The following NBEA variants were observed in gnomAD, a reference collection of about 807,000 sequenced individuals.
NBEA encodes the protein neurobeachin, also known as lysosomal-trafficking regulator 2.
Under a neutral mutation model 343.4 loss-of-function variants are expected in NBEA, and 44 were observed. That is an observed-to-expected ratio of 0.13 (90% CI 0.10 to 0.16). The LOEUF (loss-of-function observed/expected upper bound fraction) is 0.16, where lower values mean the gene tolerates loss of function less well. NBEA is among the 10% of genes least tolerant of loss of function. NBEA has a pLI of 1.00. For missense variants in NBEA, 2,555 were observed against 3,631.3 expected (o/e 0.70, Z 7.62); for synonymous variants, 1,175 against 1,238.7 (o/e 0.95, Z 1.08).
intron 34 of NBEA, among the ~76,000 whole-genome samples, chr13:35,275,807 A>C (rs564627069): frequency 6.6e-6 from 1 of 152,314 alleles, no homozygotes; most frequent in African/African-American, 2.4e-5. Context: ...ACAATGAGAT[A>C]CCATCTCATG....
chr13:35,287,030 T>C (rs1566568995), intron 34 of NBEA, among the ~76,000 whole-genome samples: 2 of 152,040 alleles, frequency 1.3e-5, no homozygotes, highest in Non-Finnish European at 2.9e-5. Flanking sequence ...TTCAACAATA[T>C]AGTTCATAAT....
At chr13:35,320,653 T>C (rs1178410987) in intron 36 of NBEA, among the ~76,000 whole-genome samples, 5 of 152,146 alleles carry the variant, frequency 3.3e-5, no homozygotes, top group Admixed American at 6.6e-5. Context: ...TCTTGCTAGG[T>C]TGGGGAAGTT....
intron 47 of NBEA, among the ~76,000 whole-genome samples, chr13:35,603,063 C>T (rs1195355975): frequency 6.6e-6 from 1 of 152,132 alleles, no homozygotes; most frequent in African/African-American, 2.4e-5. Context: ...AGCAAGATAA[C>T]ATTTTTTAAA....
At chr13:35,662,292 G>A (rs761491738) in intron 55 of NBEA, among the ~76,000 whole-genome samples, 4 of 152,172 alleles carry the variant, frequency 2.6e-5, no homozygotes, top group Non-Finnish European at 5.9e-5. Flanking sequence ...CCAGCACACG[G>A]TGAGTGCTTC....
chr13:35,633,101 A>T (rs1358114441), intron 49 of NBEA, among the ~76,000 whole-genome samples: 2 of 151,102 alleles, frequency 1.3e-5, no homozygotes, highest in African/African-American at 4.9e-5. Flanking sequence ...TCATTAAATA[A>T]TTTTTTGTTT....
chr13:35,183,783 T>C (rs1470062367), intron 29 of NBEA, among the ~76,000 whole-genome samples, 193 bp from the exon 30 acceptor site: 1 of 152,148 alleles, frequency 6.6e-6, no homozygotes, highest in Non-Finnish European at 1.5e-5. Context: ...TGTATGTTGC[T>C]AGAATTACTC....
chr13:35,009,483 A>G (rs74051210), intron 1 of NBEA, among the ~76,000 whole-genome samples: 3,531 of 152,254 alleles, frequency 0.023, 57 homozygotes, highest in South Asian at 0.075. Flanking sequence ...AACAGAAAGT[A>G]TAAAGACCCC....
chr13:35,603,724 A>G (rs2082159831), intron 47 of NBEA, among the ~76,000 whole-genome samples: 1 of 152,350 alleles, frequency 6.6e-6, no homozygotes. Flanking sequence ...GAAAGGCAGT[A>G]AGGGAAACAC....
At chr13:35,050,528 A>G in intron 6 of NBEA, 133 bp downstream of exon 6, 1 of 971,468 alleles carries the variant, frequency 1.0e-6, no homozygotes. Context: ...CCTTGTCTGC[A>G]TTTCCTTTTT....
rs1566153496 is a variant in NBEA at position 35,452,089 on chromosome 13, T to A, written c.6305-3T>A. ...TAAATGATTATATTTTTGTTGTGAT[T>A]AGGCACGGAAGAAGATGTAGTAAAG... On this transcript the variant is annotated splice_polypyrimidine_tract_variant and splice_region_variant and intron_variant, in intron 39 of 58. Coordinates refer to ENST00000379939, the MANE Select transcript of NBEA (RefSeq NM_001385012.1). 1.9e-6 allele frequency: 3 copies of A among 1,608,576 alleles called. No homozygotes were observed. Among genetic ancestry groups the A allele is most frequent in the Non-Finnish European group, 2.5e-6 (3 of 1,176,940 alleles).
At chr13:34,968,182 T>C (rs1302514616) in intron 1 of NBEA, among the ~76,000 whole-genome samples, 1 of 152,166 alleles carries the variant, frequency 6.6e-6, no homozygotes, top group Non-Finnish European at 1.5e-5. Flanking sequence ...AGAGCTTCCA[T>C]GCCCTTACTG....
At chr13:35,560,051 T>C (rs1160066955) in intron 44 of NBEA, among the ~76,000 whole-genome samples, 1 of 152,168 alleles carries the variant, frequency 6.6e-6, no homozygotes, top group East Asian at 1.9e-4. Flanking sequence ...TCTAAGGACT[T>C]TATATATATT....
At chr13:35,126,166 A>T (rs990881280) in intron 17 of NBEA, among the ~76,000 whole-genome samples, 6 of 151,962 alleles carry the variant, frequency 3.9e-5, no homozygotes, top group African/African-American at 1.5e-4. Flanking sequence ...GTCGCATGAG[A>T]TCTGATGGTT....
chr13:35,061,299 A>G (rs1186455392), intron 8 of NBEA, among the ~76,000 whole-genome samples: 1 of 151,746 alleles, frequency 6.6e-6, no homozygotes, highest in Non-Finnish European at 1.5e-5. Flanking sequence ...TAACTAAATC[A>G]TTCAGTTTGG....
chr13:35,488,092 C>G (rs2152971461), intron 41 of NBEA, among the ~76,000 whole-genome samples: 1 of 151,974 alleles, frequency 6.6e-6, no homozygotes, highest in South Asian at 2.1e-4. Context: ...CAACTCATAT[C>G]TTGCTATTTT....
intron 41 of NBEA, chr13:35,476,948 A>G (rs1018666903): frequency 2.3e-5 from 10 of 430,812 alleles, no homozygotes; most frequent in Non-Finnish European, 3.2e-5. Flanking sequence ...TTTTGAAAAG[A>G]CTTGGCAAAG....
At chr13:35,113,877 G>A (rs2066359634) in intron 13 of NBEA, among the ~76,000 whole-genome samples, 1 of 152,100 alleles carries the variant, frequency 6.6e-6, no homozygotes, top group Non-Finnish European at 1.5e-5. Flanking sequence ...TTAGTCCTAG[G>A]GCTGTGGTTT....
intron 1 of NBEA, among the ~76,000 whole-genome samples, chr13:34,944,302 T>A (rs1359810036): frequency 6.6e-6 from 1 of 152,188 alleles, no homozygotes; most frequent in Non-Finnish European, 1.5e-5. Flanking sequence ...TTTTACTTAC[T>A]CTATTGGAAA....
intron 1 of NBEA, among the ~76,000 whole-genome samples, chr13:34,968,995 A>G (rs1047329319): frequency 1.1e-4 from 16 of 151,818 alleles, no homozygotes; most frequent in African/African-American, 3.9e-4. Context: ...CTTGAAAACT[A>G]CCTACTGGAT....
Sources: gnomAD v4.1 joint callset for allele counts (sites outside exome capture counted in the v4.1 genomes callset) on GRCh38, gnomAD v4.1.1 for gene constraint, MANE v1.5 for transcripts, NCBI Gene and HGNC (gene_info 2026-07-23, HGNC 2026-07-21) for gene names.